PCDHA5: variants seen among roughly 807,000 people sequenced by gnomAD.
PCDHA5 encodes the protein protocadherin alpha-5.
In PCDHA5, 43 loss-of-function variants were observed where a neutral mutation model predicts 61.6. The ratio of observed to expected loss-of-function variants is 0.70; its 90% confidence interval spans 0.55 to 0.90. PCDHA5 has a LOEUF of 0.90. PCDHA5 is among the 40% of genes least tolerant of loss of function. The pLI is 0.00. For synonymous variants in PCDHA5, 627 were observed against 543.9 expected (o/e 1.15, Z -2.13); for missense variants, 1,298 against 1,222.7 (o/e 1.06, Z -0.92).
chr5:140,876,463 G>T, intron 1 of PCDHA5: 2 of 1,614,014 alleles, frequency 1.2e-6, no homozygotes, highest in Non-Finnish European at 1.7e-6. Flanking sequence ...TCCTTCCATG[G>T]CAGGTCACAG....
intron 1 of PCDHA5, among the ~76,000 whole-genome samples, chr5:140,939,281 G>A (rs1554212652): frequency 6.6e-6 from 1 of 152,014 alleles, no homozygotes; most frequent in African/African-American, 2.4e-5. Context: ...CTGTGCCCTC[G>A]TGATCTAATC....
chr5:140,927,526 G>A, intron 1 of PCDHA5: 1 of 1,614,086 alleles, frequency 6.2e-7, no homozygotes, highest in South Asian at 1.1e-5. Flanking sequence ...CGGGCTACCT[G>A]CCCGCTCAGG....
chr5:140,843,174 C>G (rs2150354431), intron 1 of PCDHA5: 17 of 1,596,086 alleles, frequency 1.1e-5, no homozygotes, highest in African/African-American at 9.4e-5. Context: ...GCAAGCAGCC[C>G]TCGCATCCCG....
At chr5:140,928,603 C>T in intron 1 of PCDHA5, 2 of 1,614,208 alleles carry the variant, frequency 1.2e-6, no homozygotes, top group Admixed American at 3.3e-5. Context: ...GGAAATTGTG[C>T]CCCGCTCTGC....
intron 1 of PCDHA5, among the ~76,000 whole-genome samples, chr5:140,972,062 A>G (rs1398109338): frequency 6.6e-6 from 1 of 152,246 alleles, no homozygotes; most frequent in Admixed American, 6.5e-5. Flanking sequence ...AGTCGTATAT[A>G]TTAACTGCTT....
In PCDHA5 at chr5:140,982,522, G is replaced by A; in HGVS notation, c.2459G>A (p.Gly820Glu). Residue 820 changes from glycine to glutamate, a missense_variant, in exon 3 of 4, where the codon GGG (glycine) becomes GAG (glutamate). Coordinates refer to ENST00000529859, the MANE Select transcript of PCDHA5 (RefSeq NM_018908.3). ...GGCATTCTACGGGCTGGTCCAGGAG[G>A]GCCTGATCAGCAGTGGCCAACAGTA... ...EAGILRAGPG[G>E]PDQQWPTVSS... 2.5e-6 allele frequency: 4 copies of A among 1,614,182 alleles called. No homozygotes were observed. Among genetic ancestry groups the A allele is most frequent in the Non-Finnish European group, 3.4e-6 (4 of 1,180,032 alleles).
chr5:140,889,025 A>G (rs2062065518), intron 1 of PCDHA5, among the ~76,000 whole-genome samples: 1 of 152,068 alleles, frequency 6.6e-6, no homozygotes, highest in South Asian at 2.1e-4. Flanking sequence ...TTCCTTGGAT[A>G]ACCGTAATTT....
chr5:140,993,528 A>G (rs78672098), intron 3 of PCDHA5, among the ~76,000 whole-genome samples: 1 of 151,976 alleles, frequency 6.6e-6, no homozygotes, highest in Admixed American at 6.6e-5. Context: ...AGAGACAGAG[A>G]GAGAGAGAGA....
At chr5:140,828,394 G>T in intron 1 of PCDHA5, 1 of 1,614,292 alleles carries the variant, frequency 6.2e-7, no homozygotes, top group Non-Finnish European at 8.5e-7. Flanking sequence ...GGAGCGCGGA[G>T]TGCAGCATCC....
chr5:141,006,931 G>A (rs1268492539), intron 3 of PCDHA5, among the ~76,000 whole-genome samples: 1 of 152,158 alleles, frequency 6.6e-6, no homozygotes, highest in African/African-American at 2.4e-5. Flanking sequence ...ATTTCCAACT[G>A]GGGATACCAG....
At chr5:140,903,545 CTT>C (rs1410531246) in intron 1 of PCDHA5, among the ~76,000 whole-genome samples, 2 of 152,130 alleles carry the variant, frequency 1.3e-5, no homozygotes, top group East Asian at 3.8e-4. Flanking sequence ...GAGCAAGAAA[CTT>C]TTCTAATAAG....
At chr5:140,918,584 A>G (rs1296882763) in intron 1 of PCDHA5, among the ~76,000 whole-genome samples, 1 of 152,212 alleles carries the variant, frequency 6.6e-6, no homozygotes, top group Non-Finnish European at 1.5e-5. Context: ...TATTGGCTAT[A>G]TGTTCTATAG....
intron 1 of PCDHA5, among the ~76,000 whole-genome samples, chr5:140,833,813 C>T (rs1772668751): frequency 6.6e-6 from 1 of 152,104 alleles, no homozygotes. Flanking sequence ...TCTTGAGATC[C>T]TGGGTCCCTA....
At chr5:140,915,826 T>G (rs1432367192) in intron 1 of PCDHA5, among the ~76,000 whole-genome samples, 1 of 152,134 alleles carries the variant, frequency 6.6e-6, no homozygotes, top group Non-Finnish European at 1.5e-5. Context: ...GCCCTAGGGC[T>G]CTAAGATCAG....
At chr5:140,897,833 C>T (rs1366388258) in intron 1 of PCDHA5, among the ~76,000 whole-genome samples, 14 of 152,138 alleles carry the variant, frequency 9.2e-5, no homozygotes, top group African/African-American at 3.4e-4. Flanking sequence ...TATTTCTCCA[C>T]ATCCTCTCCA....
At chr5:141,002,273 A>G (rs1040927044) in intron 3 of PCDHA5, among the ~76,000 whole-genome samples, 42 of 152,308 alleles carry the variant, frequency 2.8e-4, no homozygotes, top group African/African-American at 8.9e-4. Context: ...AGAGCTGGTA[A>G]CAAAGGGATG....
intron 1 of PCDHA5, chr5:140,841,774 GTT>G (rs2150322506): frequency 6.2e-7 from 1 of 1,613,914 alleles, no homozygotes; most frequent in South Asian, 1.1e-5. Flanking sequence ...CAGACTCTCG[GTT>G]TCCGCTAGAG....
At position 140,829,299 on chromosome 5, in the gene PCDHA5, A is replaced by C. The variant is rs17844301; in HGVS notation, c.2352+5172A>C. 8.3e-4 allele frequency: 1,346 copies of C among 1,614,200 alleles called. 23 individuals carry two copies. In the East Asian group the frequency reaches 0.024, roughly 28 times the overall value. On this transcript the variant is annotated intron_variant, in intron 1 of 3. Transcript: ENST00000529859. Reference sequence around the variant, plus strand: ...TTCAAGCTGGTGTCCACCTTCAAGAATTACTACTCGTTGGTGCTGGACAGT... The same window carrying C: ...TTCAAGCTGGTGTCCACCTTCAAGACTTACTACTCGTTGGTGCTGGACAGT...
In PCDHA5 at chr5:140,823,845, T is replaced by G; in HGVS notation, c.2070T>G (p.Ala690=). 1 of 1,613,850 alleles carries G rather than the reference T, an allele frequency of 6.2e-7. No homozygotes were observed. The highest frequency in any genetic ancestry group is 8.5e-7 in the Non-Finnish European group (1 of 1,179,908). ...RASAGAVGPE[A]ALVDVNVYLI... is the part of the protein sequence containing the mutation. ...CGGCGGGCGCTGTGGGTCCCGAGGC[T>G]GCCCTGGTGGATGTCAACGTGTACC... The change falls in exon 1 of 4, where the codon GCT becomes GCG. Residue 690 remains alanine (A), a synonymous_variant. Coordinates refer to ENST00000529859, the MANE Select transcript of PCDHA5 (RefSeq NM_018908.3).
Sources: gnomAD v4.1 joint callset for allele counts (sites outside exome capture counted in the v4.1 genomes callset) on GRCh38, gnomAD v4.1.1 for gene constraint, MANE v1.5 for transcripts, NCBI Gene and HGNC (gene_info 2026-07-23, HGNC 2026-07-21) for gene names.